The following ANGPT2 variants were observed in gnomAD, a reference collection of about 807,000 sequenced individuals.
ANGPT2 encodes the protein angiopoietin 2.
ANGPT2 carries 28 observed loss-of-function variants against 62.9 expected under a neutral mutation model. The ratio of observed to expected loss-of-function variants is 0.44; its 90% confidence interval spans 0.33 to 0.61. The LOEUF (loss-of-function observed/expected upper bound fraction) is 0.61. Ranked by LOEUF, ANGPT2 falls within the 20% of genes least tolerant of loss-of-function variation. The pLI is 0.03. For missense variants in ANGPT2, 727 were observed against 594.9 expected, an observed-to-expected ratio of 1.22 and a Z score of -2.31; for synonymous variants, 284 against 207.8, an observed-to-expected ratio of 1.37 and a Z score of -3.15.
At chr8:6,510,068 T>C (rs1444411563) in intron 7 of ANGPT2, among the ~76,000 whole-genome samples, 1 of 152,124 alleles carries the variant, frequency 6.6e-6, no homozygotes, top group Non-Finnish European at 1.5e-5. Context: ...GTAAGCTGAA[T>C]TGCAAAAATA....
intron 5 of ANGPT2, among the ~76,000 whole-genome samples, chr8:6,518,997 A>G (rs1816814245): frequency 6.6e-6 from 1 of 152,158 alleles, no homozygotes; most frequent in Admixed American, 6.5e-5. Context: ...AGAACTAGGA[A>G]TGACTGAGGT....
chr8:6,516,030 C>T (rs1261046920), intron 5 of ANGPT2, among the ~76,000 whole-genome samples: 4 of 152,204 alleles, frequency 2.6e-5, no homozygotes, highest in East Asian at 1.9e-4. Context: ...GACTTCTCCC[C>T]AGCATGGTTC....
chr8:6,561,069 C>T (rs1825461428), intron 1 of ANGPT2, among the ~76,000 whole-genome samples: 1 of 152,162 alleles, frequency 6.6e-6, no homozygotes, highest in Non-Finnish European at 1.5e-5. Flanking sequence ...ATAGGAAGTT[C>T]AAGTTAAGCA....
At chr8:6,557,328 C>T (rs1195623249) in intron 1 of ANGPT2, among the ~76,000 whole-genome samples, 2 of 152,036 alleles carry the variant, frequency 1.3e-5, no homozygotes, top group East Asian at 3.9e-4. Context: ...CCATACCTAC[C>T]ATACTTGTGT....
At chr8:6,512,478 C>T (rs1376984150) in intron 7 of ANGPT2, among the ~76,000 whole-genome samples, 2 of 152,100 alleles carry the variant, frequency 1.3e-5, no homozygotes, top group African/African-American at 2.4e-5. Context: ...AATTTCTGAC[C>T]TCAAAGTGGG....
chr8:6,523,676 G>A (rs911128979), intron 3 of ANGPT2, among the ~76,000 whole-genome samples: 3 of 152,076 alleles, frequency 2.0e-5, no homozygotes, highest in Admixed American at 1.3e-4. Context: ...TGCAACCTCC[G>A]CCTCCCGGAT....
chr8:6,562,589 C>G, intron 1 of ANGPT2, 58 bp downstream of exon 1: 1 of 150,304 alleles, frequency 6.7e-6, no homozygotes, highest in Non-Finnish European at 1.2e-5. Flanking sequence ...AAAACCTGAG[C>G]TGCTGCCAAG....
chr8:6,530,690 T>G (rs1471599791), intron 2 of ANGPT2, among the ~76,000 whole-genome samples: 1 of 152,206 alleles, frequency 6.6e-6, no homozygotes, highest in African/African-American at 2.4e-5. Context: ...TGTATGTTTT[T>G]CTTGAACTGT....
chr8:6,549,629 A>G (rs970429510), intron 1 of ANGPT2, among the ~76,000 whole-genome samples: 1 of 151,394 alleles, frequency 6.6e-6, no homozygotes, highest in African/African-American at 2.4e-5. Flanking sequence ...ACAGGTGCGC[A>G]CAGATACAGA....
intron 2 of ANGPT2, among the ~76,000 whole-genome samples, chr8:6,530,666 A>T (rs752471363): frequency 9.9e-5 from 15 of 152,132 alleles, no homozygotes; most frequent in Non-Finnish European, 1.8e-4. Context: ...ATGATCCGTT[A>T]TGTAAAATAT....
intron 3 of ANGPT2, among the ~76,000 whole-genome samples, chr8:6,523,663 C>T (rs374374404): frequency 1.3e-5 from 2 of 152,240 alleles, no homozygotes; most frequent in South Asian, 2.1e-4. Context: ...GATCTCAGCT[C>T]GCTGCAACCT....
intron 8 of ANGPT2, 97 bp downstream of exon 8, chr8:6,508,835 C>A (rs771686299): frequency 6.6e-7 from 1 of 1,525,952 alleles, no homozygotes; most frequent in East Asian, 2.2e-5. Context: ...TTGTGGACAT[C>A]GTTACAAATC....
chr8:6,562,578 TAAAACCTGAGCTGCTGCCAAGCTGA>T, intron 1 of ANGPT2, 44 bp downstream of exon 1: 1 of 880,188 alleles, frequency 1.1e-6, no homozygotes, highest in Non-Finnish European at 1.6e-6. Flanking sequence ...TTTTGGTTGT[TAAAACCTGAGCTGCTGCCAAGCTGA>T]TCTTAATAGC....
chr8:6,551,661 A>G (rs1442625680), intron 1 of ANGPT2, among the ~76,000 whole-genome samples: 2 of 152,358 alleles, frequency 1.3e-5, no homozygotes, highest in East Asian at 3.9e-4. Flanking sequence ...AATTCCTGTC[A>G]TTAACAATTT....
chr8:6,560,011 C>G (rs772057627), intron 1 of ANGPT2, among the ~76,000 whole-genome samples: 30 of 152,182 alleles, frequency 2.0e-4, no homozygotes, highest in Non-Finnish European at 2.9e-4. Context: ...GATGTGAAAC[C>G]TGCTTTCTTA....
At chr8:6,533,784 C>T (rs181672863) in intron 1 of ANGPT2, among the ~76,000 whole-genome samples, 1 of 151,972 alleles carries the variant, frequency 6.6e-6, no homozygotes, top group African/African-American at 2.4e-5. Context: ...TATAGAGAAA[C>T]CATTCGTGGA....
At chr8:6,555,642 T>G (rs192192906) in intron 1 of ANGPT2, among the ~76,000 whole-genome samples, 1 of 152,158 alleles carries the variant, frequency 6.6e-6, no homozygotes, top group Non-Finnish European at 1.5e-5. Context: ...TTATATTTTT[T>G]GGTAGAGACG....
chr8:6,520,695 C>T (rs919283619), intron 4 of ANGPT2, among the ~76,000 whole-genome samples: 19 of 152,172 alleles, frequency 1.2e-4, no homozygotes, highest in African/African-American at 4.6e-4. Flanking sequence ...CACACCTGGC[C>T]CTTCCCTCCA....
At chr8:6,556,070 C>T (rs1371847362) in intron 1 of ANGPT2, among the ~76,000 whole-genome samples, 1 of 152,040 alleles carries the variant, frequency 6.6e-6, no homozygotes, top group Non-Finnish European at 1.5e-5. Flanking sequence ...GTCTCAAGAT[C>T]GATGTCCCAG....
Sources: gnomAD v4.1 joint callset for allele counts (sites outside exome capture counted in the v4.1 genomes callset) on GRCh38, gnomAD v4.1.1 for gene constraint, MANE v1.5 for transcripts, NCBI Gene and HGNC (gene_info 2026-07-23, HGNC 2026-07-21) for gene names.